Variants in CDKN2B-AS1 observed in about 807,000 individuals in gnomAD.
CDKN2B-AS1 encodes the protein CDKN2B and CDKN2A antisense cis and trans regulatory RNA 1.
intron 1 of CDKN2B-AS1, among the ~76,000 whole-genome samples, chr9:22,011,398 G>A (rs1563919501): frequency 6.6e-6 from 1 of 152,182 alleles, no homozygotes; most frequent in Non-Finnish European, 1.5e-5. Flanking sequence ...CTTTACAGCT[G>A]TTGTTTCATT....
chr9:22,090,589 C>G (rs1670713307), intron 4 of CDKN2B-AS1, among the ~76,000 whole-genome samples: 1 of 152,150 alleles, frequency 6.6e-6, no homozygotes. Context: ...TGATGATGAG[C>G]AATTTTTCAT....
At chr9:22,100,885 A>G (rs1050997242) in intron 4 of CDKN2B-AS1, among the ~76,000 whole-genome samples, 17 of 152,132 alleles carry the variant, frequency 1.1e-4, no homozygotes, top group African/African-American at 4.1e-4. Context: ...TTTGACTTCC[A>G]TTCCCCTAAT....
At chr9:22,085,566 A>G (rs548731019) in intron 4 of CDKN2B-AS1, among the ~76,000 whole-genome samples, 1 of 152,182 alleles carries the variant, frequency 6.6e-6, no homozygotes, top group African/African-American at 2.4e-5. Context: ...TAAAAAATAC[A>G]AAAAATTAGC....
intron 4 of CDKN2B-AS1, chr9:22,066,090 C>T (rs1396569266): frequency 1.3e-5 from 2 of 152,156 alleles, no homozygotes; most frequent in African/African-American, 4.8e-5. Flanking sequence ...GAATTATCTC[C>T]CTCTGTCTGA....
downstream of CDKN2B-AS1, among the ~76,000 whole-genome samples, chr9:22,128,126 G>A (rs1818042011): frequency 6.6e-6 from 1 of 151,948 alleles, no homozygotes; most frequent in Admixed American, 6.6e-5. Flanking sequence ...TGCAATAAAT[G>A]ATCAACTTTT....
At chr9:22,021,469 A>G (rs947221655) in intron 1 of CDKN2B-AS1, among the ~76,000 whole-genome samples, 7 of 152,250 alleles carry the variant, frequency 4.6e-5, no homozygotes, top group East Asian at 1.9e-4. Context: ...AAGAGATTCA[A>G]TGGTAGTTTC....
rs1363906904 is a variant in CDKN2B-AS1 at position 22,004,474 on chromosome 9, A to G, written n.29+9313A>G. On this transcript the variant is annotated intron_variant and non_coding_transcript_variant, in intron 1 of 4. Coordinates refer to ENST00000650946, the Ensembl canonical transcript of CDKN2B-AS1. ...AGCAATTATTACAAACATTGAGAGA[A>G]GGGAACCCCTGTGAACCTTTAACAT... The G allele has an allele frequency of 3.0e-5, 7 of 232,556 alleles. No homozygotes were observed. The East Asian group carries it at 4.3e-4, about 14-fold the overall frequency. The allele number at this position is 232,556 out of a possible 1,614,324, so 14.4% of individuals were successfully genotyped here.
At chr9:22,042,252 T>A (rs1023610257) in intron 1 of CDKN2B-AS1, among the ~76,000 whole-genome samples, 3 of 152,098 alleles carry the variant, frequency 2.0e-5, no homozygotes, top group Non-Finnish European at 4.4e-5. Flanking sequence ...CATACGTTTA[T>A]TAACTAATTC....
chr9:22,060,707 C>G (rs761657523), intron 4 of CDKN2B-AS1, among the ~76,000 whole-genome samples: 1 of 152,112 alleles, frequency 6.6e-6, no homozygotes, highest in African/African-American at 2.4e-5. Context: ...AAACTAGGAA[C>G]AAAAAGAGGT....
chr9:22,098,993 A>T (rs1018235639), intron 4 of CDKN2B-AS1, among the ~76,000 whole-genome samples: 1 of 152,242 alleles, frequency 6.6e-6, no homozygotes, highest in Non-Finnish European at 1.5e-5. Context: ...GAAGCCTAAT[A>T]CTAGGCAAGA....
chr9:22,080,940 G>C (rs1341658175), intron 4 of CDKN2B-AS1, among the ~76,000 whole-genome samples: 1 of 152,100 alleles, frequency 6.6e-6, no homozygotes, highest in Non-Finnish European at 1.5e-5. Context: ...ATGAGAATTA[G>C]CCTATGCTTC....
intron 1 of CDKN2B-AS1, among the ~76,000 whole-genome samples, chr9:22,016,101 T>G (rs1245917252): frequency 6.6e-5 from 10 of 152,310 alleles, no homozygotes; most frequent in East Asian, 3.9e-4. Context: ...TTAGTTTAAT[T>G]AGATCCCATT....
At chr9:22,069,318 A>G (rs1824193149) in intron 4 of CDKN2B-AS1, among the ~76,000 whole-genome samples, 1 of 145,326 alleles carries the variant, frequency 6.9e-6, no homozygotes, top group Non-Finnish European at 1.5e-5. Flanking sequence ...ATGATTAGCT[A>G]ACAAATTCAC....
At chr9:22,061,130 G>T (rs902825668) in intron 4 of CDKN2B-AS1, among the ~76,000 whole-genome samples, 1 of 152,164 alleles carries the variant, frequency 6.6e-6, no homozygotes, top group Non-Finnish European at 1.5e-5. Context: ...GCCAGAACCA[G>T]CTAGATGGCC....
intron 4 of CDKN2B-AS1, among the ~76,000 whole-genome samples, chr9:22,079,756 C>A (rs190875045): frequency 2.0e-5 from 3 of 152,224 alleles, no homozygotes; most frequent in East Asian, 3.9e-4. Context: ...CATCCTTGAT[C>A]GACATTCACC....
At chr9:22,009,045 C>G in intron 1 of CDKN2B-AS1, 2 of 1,573,474 alleles carry the variant, frequency 1.3e-6, no homozygotes, top group East Asian at 2.2e-5. Context: ...GCTGCTCCGG[C>G]GCACTCTCTC....
At chr9:22,097,626 G>C (rs1302093797) in intron 4 of CDKN2B-AS1, among the ~76,000 whole-genome samples, 4 of 152,166 alleles carry the variant, frequency 2.6e-5, no homozygotes, top group Non-Finnish European at 5.9e-5. Context: ...CTGTACCTGA[G>C]CCACAACCCT....
intron 1 of CDKN2B-AS1, among the ~76,000 whole-genome samples, chr9:22,026,091 A>T: frequency 7.3e-6 from 1 of 136,230 alleles, no homozygotes; most frequent in Non-Finnish European, 1.6e-5. Context: ...GGGACCTGCT[A>T]AAAAAAAAAA....
At chr9:22,062,850 G>A (rs796588147) in intron 4 of CDKN2B-AS1, among the ~76,000 whole-genome samples, 1 of 151,932 alleles carries the variant, frequency 6.6e-6, no homozygotes, top group Admixed American at 6.6e-5. Flanking sequence ...AGTAGATATT[G>A]TTGATGAATT....
Sources: allele counts gnomAD v4.1 joint callset (sites outside exome capture counted in the v4.1 genomes callset), GRCh38; gene constraint gnomAD v4.1.1; transcripts MANE v1.5; gene names NCBI Gene and HGNC (gene_info 2026-07-23, HGNC 2026-07-21).